MAP3K13: variants seen among roughly 807,000 people sequenced by gnomAD.
The protein encoded by MAP3K13 is leucine zipper-bearing kinase.
In MAP3K13, 52 loss-of-function variants were observed where a neutral mutation model predicts 104.0. The observed-to-expected ratio is 0.50, with a 90% CI of 0.40 to 0.63. MAP3K13 has a LOEUF of 0.63. Ranked by LOEUF, MAP3K13 falls within the 20% of genes least tolerant of loss-of-function variation. MAP3K13 has a pLI of 0.00. For missense variants in MAP3K13, 914 were observed against 1,218.5 expected (o/e 0.75, Z 3.72); for synonymous variants, 394 against 442.2 (o/e 0.89, Z 1.37).
At chr3:185,471,451 C>CTTTTTTTTT (rs71164510) in intron 10 of MAP3K13, among the ~76,000 whole-genome samples, 1 of 75,440 alleles carries the variant, frequency 1.3e-5, no homozygotes, top group Admixed American at 1.7e-4. Context: ...ACGACCTTTA[C>CTTTTTTTTT]TTTTTTTTTT....
chr3:185,377,997 C>A (rs1278594216), intron 1 of MAP3K13, among the ~76,000 whole-genome samples: 1 of 151,820 alleles, frequency 6.6e-6, no homozygotes, highest in East Asian at 1.9e-4. Flanking sequence ...TTGTAGCAAG[C>A]TCCTGGGGTG....
intron 3 of MAP3K13, among the ~76,000 whole-genome samples, chr3:185,438,525 T>C (rs1025668580): frequency 2.0e-5 from 3 of 152,186 alleles, no homozygotes; most frequent in African/African-American, 7.2e-5. Flanking sequence ...ACCTAATGAT[T>C]GTTGAGTTAT....
chr3:185,362,906 G>A (rs899438594), upstream of MAP3K13: 3 of 160,590 alleles, frequency 1.9e-5, no homozygotes, highest in Non-Finnish European at 3.7e-5. Flanking sequence ...CAATAATAAT[G>A]TTTTTATGAC....
chr3:185,326,890 T>C (rs1487434307), intron 2 of MAP3K13, among the ~76,000 whole-genome samples: 1 of 152,262 alleles, frequency 6.6e-6, no homozygotes. Context: ...ACAACTTTTT[T>C]TCTGCATCAG....
intron 3 of MAP3K13, among the ~76,000 whole-genome samples, chr3:185,441,896 C>T (rs2148891661): frequency 6.6e-6 from 1 of 152,158 alleles, no homozygotes; most frequent in Admixed American, 6.5e-5. Context: ...CAAAAATTAG[C>T]TGGGTGTGGT....
At chr3:185,466,023 G>A (rs1717398949) in intron 9 of MAP3K13, among the ~76,000 whole-genome samples, 160 bp downstream of exon 9, 1 of 152,250 alleles carries the variant, frequency 6.6e-6, no homozygotes, top group South Asian at 2.1e-4. Flanking sequence ...CCTGCCCCTG[G>A]CGAGGTATAC....
intron 1 of MAP3K13, among the ~76,000 whole-genome samples, chr3:185,407,217 C>A (rs149515526): frequency 6.6e-6 from 1 of 152,108 alleles, no homozygotes; most frequent in African/African-American, 2.4e-5. Context: ...CACCACCAGA[C>A]CCTAGATCTT....
At position 185,344,391 on chromosome 3, in the gene MAP3K13, C is replaced by G. The variant is rs1018488941; in HGVS notation, c.-86+58748C>G. Among the ~76,000 whole-genome samples the G allele has an allele frequency of 8.5e-5, 13 of 152,306 alleles. 1 individual carries two copies. Among genetic ancestry groups the G allele is most frequent in the African/African-American group, 2.4e-4 (10 of 41,566 alleles). The stretch of plus-strand genomic sequence containing the variant: ...ACTTGATGATCTGTGACAAAAGAAT[C>G]TGTTACATAATAGGTGCTCAGTTAA... On this transcript the variant is annotated intron_variant, in intron 2 of 14. Coordinates refer to the MAP3K13 transcript ENST00000424227.
intron 2 of MAP3K13, among the ~76,000 whole-genome samples, chr3:185,324,858 T>C (rs981589195): frequency 4.6e-5 from 7 of 151,888 alleles, no homozygotes; most frequent in Non-Finnish European, 8.8e-5. Context: ...TCCATTAGAG[T>C]TTGACAAGAT....
Position 185,482,662 on chromosome 3 carries a change from C to T in MAP3K13, c.*206C>T. ...ATAATATCCAAATGAAATTAAGTCT[C>T]ACTGAACATTTCAATCAAGAATGGC... On this transcript the variant is annotated 3_prime_UTR_variant, in exon 14 of 14. Transcript: ENST00000265026. This position sits in a 1 kb window ranked among gnomAD's most constrained non-coding sequence, Gnocchi z 4.5. The T allele has an allele frequency of 2.0e-6, 1 of 511,998 alleles. No homozygotes were observed. The highest frequency in any genetic ancestry group is 3.5e-6 in the Non-Finnish European group (1 of 287,902). 31.7% of individuals were successfully genotyped at this position (511,998 alleles called of 1,614,324 possible).
At chr3:185,454,908 ATATATATAT>A (rs1286500671) in intron 7 of MAP3K13, among the ~76,000 whole-genome samples, 1 of 104,978 alleles carries the variant, frequency 9.5e-6, no homozygotes, top group East Asian at 2.6e-4. Flanking sequence ...TATATATATG[ATATATATAT>A]GAGATATATA....
At chr3:185,339,090 C>T (rs757442953) in intron 2 of MAP3K13, among the ~76,000 whole-genome samples, 1 of 152,098 alleles carries the variant, frequency 6.6e-6, no homozygotes. Flanking sequence ...GAAGCTGAGG[C>T]GGGTGGGTCA....
At chr3:185,454,907 G>GATATATATATGAGATATATATC (rs1716313270) in intron 7 of MAP3K13, among the ~76,000 whole-genome samples, 8 of 68,822 alleles carry the variant, frequency 1.2e-4, no homozygotes, top group African/African-American at 3.0e-4. Flanking sequence ...ATATATATAT[G>GATATATATATGAGATATATATC]ATATATATAT....
intron 2 of MAP3K13, among the ~76,000 whole-genome samples, chr3:185,312,819 C>G (rs566676884): frequency 3.2e-4 from 48 of 152,208 alleles, no homozygotes; most frequent in Admixed American, 8.5e-4. Context: ...GAAGGCCTAT[C>G]CCCTGTTGAT....
At chr3:185,300,415 C>T (rs1721062659) in intron 2 of MAP3K13, among the ~76,000 whole-genome samples, 1 of 152,018 alleles carries the variant, frequency 6.6e-6, no homozygotes, top group Non-Finnish European at 1.5e-5. Flanking sequence ...CACAGGTGAT[C>T]CACCTGCCTT....
chr3:185,422,929 T>C (rs1361451969), intron 1 of MAP3K13, among the ~76,000 whole-genome samples: 2 of 152,174 alleles, frequency 1.3e-5, no homozygotes, highest in Admixed American at 6.5e-5. Flanking sequence ...GAGCTCCACC[T>C]CCTGTCAGAT....
rs117754382 is a variant in MAP3K13 at position 185,451,816 on chromosome 3, G to A, written c.1278+421G>A. Among the ~76,000 whole-genome samples, 134 of 147,888 alleles carry A rather than the reference G, an allele frequency of 9.1e-4. 1 individual carries two copies. In the East Asian group the frequency reaches 0.023, roughly 25 times the overall value. On this transcript the variant is annotated intron_variant, in intron 7 of 13. Transcript: ENST00000265026. ...CGGGAAGCGGAGGTAGTGTTCAGCC[G>A]AGATCATGCCATTGTACTCCAGCCT...
Position 185,480,438 on chromosome 3 carries a change from C to T in MAP3K13, c.2708C>T (p.Ser903Leu), listed in dbSNP as rs770105218. The part of the protein sequence containing the change: ...PEIPIDISSH[S>L]DGLSDKECAV... ...ATTCCCATTGACATATCCTCACACT[C>T]GGATGGGCTCTCTGACAAGGAGTGT... Residue 903 changes from serine (S) to leucine (L), a missense_variant, in exon 13 of 14, where the codon TCG (serine) becomes TTG (leucine). Ser to Leu is a moderately radical substitution (Grantham distance 145). Transcript: ENST00000265026. 33 of 1,614,094 alleles carry T rather than the reference C, an allele frequency of 2.0e-5. No individual in the cohort carries two copies. In the South Asian group the frequency reaches 2.5e-4, roughly 12 times the overall value.
At chr3:185,417,847 C>G in intron 1 of MAP3K13, 2 of 1,606,940 alleles carry the variant, frequency 1.2e-6, no homozygotes, top group Non-Finnish European at 1.7e-6. Flanking sequence ...TAGGACTCTG[C>G]GATGAATCTT....
Sources: gnomAD v4.1 joint callset for allele counts (sites outside exome capture counted in the v4.1 genomes callset) on GRCh38, gnomAD v4.1.1 for gene constraint, Gnocchi (gnomAD v3.1) non-coding constraint, MANE v1.5 for transcripts, NCBI Gene and HGNC (gene_info 2026-07-23, HGNC 2026-07-21) for gene names.